EFHD1: variants seen among roughly 807,000 people sequenced by gnomAD.
EFHD1 encodes the protein EF-hand domain-containing protein D1.
A neutral mutation model predicts 17.2 loss-of-function variants in EFHD1; 10 were observed. The ratio of observed to expected loss-of-function variants is 0.58; its 90% CI spans 0.36 to 0.99. The LOEUF (loss-of-function observed/expected upper bound fraction) is 0.99, where lower values mean the gene tolerates loss of function less well. Ranked by LOEUF, EFHD1 falls within the 50% of genes least tolerant of loss-of-function variation. The pLI is 0.01. For synonymous variants in EFHD1, 153 were observed against 142.0 expected (o/e 1.08, Z -0.55); for missense variants, 310 against 327.5 (o/e 0.95, Z 0.41).
intron 1 of EFHD1, chr2:232,606,539 G>T (rs1288381980): frequency 5.8e-6 from 2 of 342,466 alleles, no homozygotes; most frequent in South Asian, 2.8e-5. Context: ...TAGACCCGGC[G>T]CTGGGGCTGG....
chr2:232,654,849 C>T (rs925126325), intron 1 of EFHD1, among the ~76,000 whole-genome samples: 20 of 152,182 alleles, frequency 1.3e-4, no homozygotes, highest in African/African-American at 3.6e-4. Context: ...GCTGGGAAGC[C>T]GTCTCCCTGG....
In EFHD1 at chr2:232,666,070, A is replaced by C. The variant is rs1289346049; in HGVS notation, c.450+3121A>C. 4.6e-5 allele frequency among the ~76,000 whole-genome samples: 7 copies of C among 152,190 alleles called. No homozygotes were observed. The South Asian group carries it at 1.2e-3, about 27-fold the overall frequency. On this transcript the variant is annotated intron_variant, in intron 2 of 3. Coordinates refer to ENST00000264059, the MANE Select transcript of EFHD1 (RefSeq NM_025202.4). ...GTTCTTCCTGGAGGTCTGCAGCAGA[A>C]CTGGCAGCCACAAGCCCCTCCCTCA...
chr2:232,662,331 GA>G (rs1420254490), intron 1 of EFHD1, among the ~76,000 whole-genome samples: 1 of 152,112 alleles, frequency 6.6e-6, no homozygotes, highest in Non-Finnish European at 1.5e-5. Context: ...ACCTGGGACG[GA>G]AAGGCGGGCT....
intron 1 of EFHD1, among the ~76,000 whole-genome samples, chr2:232,653,045 G>A (rs1395507751): frequency 6.6e-6 from 1 of 152,110 alleles, no homozygotes; most frequent in Non-Finnish European, 1.5e-5. Context: ...CCAGGCTAGA[G>A]TGAAGTGGTG....
chr2:232,676,316 A>T (rs927440408), intron 3 of EFHD1, among the ~76,000 whole-genome samples: 12 of 152,306 alleles, frequency 7.9e-5, no homozygotes, highest in Admixed American at 3.9e-4. Context: ...GAAGGCCATC[A>T]TGTTGGTTGC....
chr2:232,659,293 G>GAA (rs1052201969), intron 1 of EFHD1, among the ~76,000 whole-genome samples: 2 of 146,114 alleles, frequency 1.4e-5, no homozygotes, highest in Non-Finnish European at 3.0e-5. Context: ...AGGGCACTGA[G>GAA]AAAAAAAAAA....
intron 1 of EFHD1, among the ~76,000 whole-genome samples, chr2:232,620,038 AT>A: frequency 1.3e-5 from 2 of 152,288 alleles, no homozygotes; most frequent in South Asian, 4.1e-4. Flanking sequence ...AGCTTTATCA[AT>A]AATCTAAGCT....
At chr2:232,662,547 T>G (rs1391089319) in intron 1 of EFHD1, among the ~76,000 whole-genome samples, 1 of 152,070 alleles carries the variant, frequency 6.6e-6, no homozygotes, top group Admixed American at 6.6e-5. Context: ...TTTCTCACCC[T>G]CCAGAAATTA....
chr2:232,677,207 T>TACACACAC lies in EFHD1; in HGVS notation c.586-4351_586-4344dup, dbSNP rs61607311. On this transcript the variant is annotated intron_variant, in intron 3 of 3. Coordinates refer to ENST00000264059, the MANE Select transcript of EFHD1 (RefSeq NM_025202.4). The stretch of plus-strand genomic sequence containing the variant: ...GGGCAACATGGCAAGACCCCATCTC[T>TACACACAC]ACACACACACACACACACACACACA... Among the ~76,000 whole-genome samples the TACACACAC allele has an allele frequency of 8.5e-3, 1,114 of 131,336 alleles. 15 individuals are homozygous for TACACACAC. Among genetic ancestry groups the TACACACAC allele is most frequent in the African/African-American group, 0.028 (908 of 32,954 alleles). The allele number at this position is 131,336 out of a possible 152,430, so 86.2% of individuals were successfully genotyped here. A position where few individuals can be genotyped will look rare whatever the true frequency, so the allele number is the denominator to read the frequency against.
rs183188439 is a variant in EFHD1 at position 232,644,654 on chromosome 2, C to T, written c.302+10648C>T. Among the ~76,000 whole-genome samples the T allele has an allele frequency of 6.5e-3, 993 of 152,058 alleles. 6 individuals carry two copies. The highest frequency in any genetic ancestry group is 9.9e-3 in the Non-Finnish European group (672 of 67,968). On this transcript the variant is annotated intron_variant, in intron 1 of 3. Transcript: ENST00000264059. ...CCTCCCGAGTAGCTGGGATTACAGGCACCTGCCACCATGCCCGGCTAATTT... is the reference window on the plus strand; with the variant it reads ...CCTCCCGAGTAGCTGGGATTACAGGTACCTGCCACCATGCCCGGCTAATTT...
chr2:232,636,045 T>G (rs370675625), intron 1 of EFHD1, among the ~76,000 whole-genome samples: 1 of 152,184 alleles, frequency 6.6e-6, no homozygotes, highest in East Asian at 1.9e-4. Flanking sequence ...CATCAGTGCT[T>G]AGTTTCTCTT....
intron 1 of EFHD1, among the ~76,000 whole-genome samples, chr2:232,613,909 TAC>T (rs1477771906): frequency 2.0e-5 from 3 of 148,308 alleles, no homozygotes; most frequent in African/African-American, 7.5e-5. Flanking sequence ...CATACAAATA[TAC>T]ACACACAAAT....
intron 1 of EFHD1, among the ~76,000 whole-genome samples, chr2:232,616,842 A>T (rs1693936094): frequency 6.6e-6 from 1 of 152,238 alleles, no homozygotes; most frequent in Non-Finnish European, 1.5e-5. Context: ...GTAATTTACC[A>T]CAAATTTAAA....
chr2:232,663,444 C>G (rs968732587), intron 2 of EFHD1, among the ~76,000 whole-genome samples: 2 of 150,624 alleles, frequency 1.3e-5, no homozygotes, highest in Admixed American at 1.3e-4. Context: ...TGATCTCAGC[C>G]CACCGCAACC....
intron 1 of EFHD1, among the ~76,000 whole-genome samples, chr2:232,634,957 C>T (rs1010756703): frequency 6.7e-6 from 1 of 150,112 alleles, no homozygotes; most frequent in Non-Finnish European, 1.5e-5. Flanking sequence ...ATGTGTTTGC[C>T]CTCCGCGTGG....
chr2:232,612,933 A>G (rs1693835745), intron 1 of EFHD1, among the ~76,000 whole-genome samples: 1 of 151,798 alleles, frequency 6.6e-6, no homozygotes, highest in African/African-American at 2.4e-5. Flanking sequence ...GGGTTTCGCC[A>G]TGTTAGCCAA....
At chr2:232,662,974 C>T in intron 2 of EFHD1, 25 bp downstream of exon 2, 2 of 1,553,036 alleles carry the variant, frequency 1.3e-6, no homozygotes, top group Non-Finnish European at 8.6e-7. Context: ...TGGCCCTGAG[C>T]CCCTGTGGGG....
rs1559356292 is a variant in EFHD1, at chr2:232,672,296, CT to C, written c.451-10del. 1.9e-6 allele frequency: 3 copies of C among 1,614,158 alleles called. No homozygotes were observed. The highest frequency in any genetic ancestry group is 2.5e-6 in the Non-Finnish European group (3 of 1,180,034). Reference sequence around the variant, plus strand: ...GAGACTGACTCTGGTTCCCTACTTTCTTTCCCCTGTAGTTCCTGCTCATTTT... The same window carrying C: ...GAGACTGACTCTGGTTCCCTACTTTCTTCCCCTGTAGTTCCTGCTCATTTT... On this transcript the variant is annotated splice_polypyrimidine_tract_variant and intron_variant, in intron 2 of 3. Transcript: ENST00000264059.
chr2:232,623,474 G>A (rs1244993905), intron 1 of EFHD1, among the ~76,000 whole-genome samples: 1 of 151,600 alleles, frequency 6.6e-6, no homozygotes, highest in East Asian at 1.9e-4. Context: ...AGGAGTTCGA[G>A]ACCAGCCTGG....
Sources: allele counts gnomAD v4.1 joint callset (sites outside exome capture counted in the v4.1 genomes callset), GRCh38; gene constraint gnomAD v4.1.1; transcripts MANE v1.5; gene names NCBI Gene and HGNC (gene_info 2026-07-23, HGNC 2026-07-21).